Variants in CHST11 observed in about 807,000 individuals in gnomAD.
CHST11 encodes the protein C4S-1.
In CHST11, 9 loss-of-function variants were observed where a neutral mutation model predicts 30.4. That is an observed-to-expected ratio of 0.30 (90% CI 0.18 to 0.52). The LOEUF is 0.52. Ranked by LOEUF, CHST11 falls within the 20% of genes least tolerant of loss-of-function variation. The probability of loss-of-function intolerance (pLI) is 0.97; values close to 1 mark genes in which losing one functional copy is unlikely to be tolerated. For synonymous variants in CHST11, 152 were observed against 187.8 expected (o/e 0.81, Z 1.56); for missense variants, 348 against 460.6 (o/e 0.76, Z 2.24).
intron 1 of CHST11, among the ~76,000 whole-genome samples, chr12:104,551,428 G>A (rs2038404030): frequency 6.6e-6 from 1 of 152,026 alleles, no homozygotes; most frequent in African/African-American, 2.4e-5. Flanking sequence ...GTAAGCATGT[G>A]TTGGCTATAG....
chr12:104,560,555 C>T (rs1297106341), intron 1 of CHST11, among the ~76,000 whole-genome samples: 1 of 152,192 alleles, frequency 6.6e-6, no homozygotes, highest in Non-Finnish European at 1.5e-5. Context: ...CAGCAGGCAG[C>T]ATTAGTACTT....
rs563874433 is a variant in CHST11, at chr12:104,706,122, G to A, written c.205-50827G>A. ...GATATTGGTGGGTACAGTGGCTCAC[G>A]CCTGTAATCCCAGCACTTTGGGAGG... On this transcript the variant is annotated intron_variant, in intron 2 of 2. Transcript: ENST00000303694. Among the ~76,000 whole-genome samples the A allele has an allele frequency of 1.1e-3, 165 of 151,612 alleles. 1 individual carries two copies. Among genetic ancestry groups the A allele is most frequent in the Middle Eastern group, 3.4e-3 (1 of 292 alleles).
chr12:104,718,454 A>T (rs1287424515), intron 2 of CHST11, among the ~76,000 whole-genome samples: 7 of 152,176 alleles, frequency 4.6e-5, no homozygotes, highest in Admixed American at 4.6e-4. Context: ...GCTGACAAGG[A>T]TTGTGTGGCC....
At chr12:104,574,304 G>A (rs368871310) in intron 1 of CHST11, among the ~76,000 whole-genome samples, 1 of 152,062 alleles carries the variant, frequency 6.6e-6, no homozygotes, top group East Asian at 1.9e-4. Flanking sequence ...TCAGTGTGGC[G>A]ATTCCTCAGG....
chr12:104,748,137 G>A (rs559750966), intron 2 of CHST11, among the ~76,000 whole-genome samples: 1 of 152,278 alleles, frequency 6.6e-6, no homozygotes, highest in South Asian at 2.1e-4. Flanking sequence ...AGATCAAAGC[G>A]AGATGAAGGG....
At chr12:104,631,890 G>A (rs551391836) in intron 2 of CHST11, among the ~76,000 whole-genome samples, 12 of 152,246 alleles carry the variant, frequency 7.9e-5, no homozygotes, top group Middle Eastern at 3.4e-3. Flanking sequence ...CAACTTTCCC[G>A]GGAGCTCCCC....
rs903160607 is a variant in CHST11 at position 104,569,190 on chromosome 12, G to T, written c.119-32716G>T. On this transcript the variant is annotated intron_variant, in intron 1 of 2. Coordinates refer to ENST00000303694, the MANE Select transcript of CHST11 (RefSeq NM_018413.6). The stretch of plus-strand genomic sequence containing the variant: ...ATTCTAAATAAAAGTGAAACTACTA[G>T]CTTATGAAACAAAATTTGACAAACC... 3.9e-5 allele frequency among the ~76,000 whole-genome samples: 6 copies of T among 152,272 alleles called. No individual in the cohort carries two copies. The East Asian group carries it at 1.2e-3, about 29-fold the overall frequency.
chr12:104,735,934 C>T (rs927027142), intron 2 of CHST11, among the ~76,000 whole-genome samples: 2 of 152,082 alleles, frequency 1.3e-5, no homozygotes, highest in African/African-American at 2.4e-5. Context: ...CAGCAGCAGT[C>T]GAGGCTCAAG....
At chr12:104,738,603 G>A (rs552638307) in intron 2 of CHST11, among the ~76,000 whole-genome samples, 2 of 152,214 alleles carry the variant, frequency 1.3e-5, no homozygotes, top group Non-Finnish European at 2.9e-5. Flanking sequence ...GCAGGGGCAC[G>A]TGCAACTCCC....
At chr12:104,648,507 C>CT (rs2039458502) in intron 2 of CHST11, among the ~76,000 whole-genome samples, 1 of 152,130 alleles carries the variant, frequency 6.6e-6, no homozygotes, top group Non-Finnish European at 1.5e-5. Flanking sequence ...GAAGGCCCCA[C>CT]TTATAAAGAT....
chr12:104,737,474 G>T (rs1267436684), intron 2 of CHST11, among the ~76,000 whole-genome samples: 1 of 152,244 alleles, frequency 6.6e-6, no homozygotes, highest in Non-Finnish European at 1.5e-5. Flanking sequence ...TGACTGTCAA[G>T]TACTTCGTGG....
intron 2 of CHST11, among the ~76,000 whole-genome samples, chr12:104,696,482 C>CAAAAAAAA (rs10602668): frequency 4.3e-3 from 300 of 69,116 alleles, no homozygotes; most frequent in East Asian, 0.021. Context: ...GCTAAAAATA[C>CAAAAAAAA]AAAAAAAAAA....
intron 2 of CHST11, among the ~76,000 whole-genome samples, chr12:104,637,141 A>G (rs1007977646): frequency 4.6e-5 from 7 of 151,418 alleles, no homozygotes; most frequent in African/African-American, 1.7e-4. Context: ...CATGTCTACT[A>G]AAAATACAAA....
At chr12:104,627,014 C>G (rs7133483) in intron 2 of CHST11, among the ~76,000 whole-genome samples, 3 of 152,134 alleles carry the variant, frequency 2.0e-5, no homozygotes, top group Non-Finnish European at 4.4e-5. Context: ...CTCCCTCCCC[C>G]CAAGCACTGG....
At chr12:104,513,480 A>G (rs1233362488) in intron 1 of CHST11, among the ~76,000 whole-genome samples, 2 of 152,192 alleles carry the variant, frequency 1.3e-5, no homozygotes, top group African/African-American at 2.4e-5. Flanking sequence ...GTACTAACAT[A>G]TAACCTTTGT....
chr12:104,624,274 G>A (rs2039189904), intron 2 of CHST11, among the ~76,000 whole-genome samples: 1 of 152,178 alleles, frequency 6.6e-6, no homozygotes, highest in Non-Finnish European at 1.5e-5. Context: ...AAGGGAGACG[G>A]TTTGAAACAA....
intron 2 of CHST11, among the ~76,000 whole-genome samples, chr12:104,695,144 T>C (rs1035784120): frequency 6.6e-6 from 1 of 152,196 alleles, no homozygotes; most frequent in Non-Finnish European, 1.5e-5. Flanking sequence ...ACAGGATTTC[T>C]TTGAGCCTCA....
chr12:104,621,100 A>C (rs568960638), intron 2 of CHST11, among the ~76,000 whole-genome samples: 37 of 152,356 alleles, frequency 2.4e-4, no homozygotes, highest in African/African-American at 8.9e-4. Flanking sequence ...CATTGTCCAA[A>C]GCCTTGGCAG....
chr12:104,673,939 C>T (rs1241115224), intron 2 of CHST11, among the ~76,000 whole-genome samples: 1 of 152,214 alleles, frequency 6.6e-6, no homozygotes, highest in African/African-American at 2.4e-5. Context: ...ACGTTGGTGG[C>T]ATCTTTCTTC....
Sources: allele counts gnomAD v4.1 joint callset (sites outside exome capture counted in the v4.1 genomes callset), GRCh38; gene constraint gnomAD v4.1.1; transcripts MANE v1.5; gene names NCBI Gene and HGNC (gene_info 2026-07-23, HGNC 2026-07-21).